Variants in CCSER1 observed in about 807,000 individuals in gnomAD.
The protein encoded by CCSER1 is serine-rich coiled-coil domain-containing protein 1.
In CCSER1, 41 loss-of-function variants were observed where a neutral mutation model predicts 82.0. That is an observed-to-expected ratio of 0.50 (90% confidence interval 0.39 to 0.65). The LOEUF (loss-of-function observed/expected upper bound fraction) is 0.65. CCSER1 is among the 30% of genes least tolerant of loss of function. CCSER1 has a pLI of 0.00. For synonymous variants in CCSER1, 414 were observed against 383.9 expected (o/e 1.08, Z -0.92); for missense variants, 1,119 against 1,064.2 (o/e 1.05, Z -0.72).
At chr4:91,527,491 C>T (rs956360248) in intron 10 of CCSER1, among the ~76,000 whole-genome samples, 1 of 151,366 alleles carries the variant, frequency 6.6e-6, no homozygotes, top group Non-Finnish European at 1.5e-5. Context: ...TTGTGATAGC[C>T]AAATAAGAAA....
At chr4:91,532,563 A>T (rs577596862) in intron 10 of CCSER1, among the ~76,000 whole-genome samples, 25 of 152,224 alleles carry the variant, frequency 1.6e-4, no homozygotes, top group Non-Finnish European at 3.1e-4. Flanking sequence ...TGTAATCAGT[A>T]GACATATTTA....
intron 7 of CCSER1, among the ~76,000 whole-genome samples, chr4:90,771,700 A>G (rs1436552695): frequency 6.6e-5 from 10 of 152,112 alleles, no homozygotes; most frequent in Middle Eastern, 3.4e-3. Flanking sequence ...TAAATTTTCA[A>G]TTTTGAAGCT....
At chr4:90,198,315 A>G (rs985459788) in intron 1 of CCSER1, among the ~76,000 whole-genome samples, 2 of 152,090 alleles carry the variant, frequency 1.3e-5, no homozygotes, top group Non-Finnish European at 2.9e-5. Context: ...GGCTATGCTG[A>G]TTAGTCATCT....
At chr4:91,113,482 G>C (rs1259953442) in intron 10 of CCSER1, among the ~76,000 whole-genome samples, 2 of 152,206 alleles carry the variant, frequency 1.3e-5, no homozygotes, top group African/African-American at 4.8e-5. Flanking sequence ...CATACAGCTA[G>C]TATGATGTAG....
At chr4:90,245,771 G>A (rs1721308717) in intron 1 of CCSER1, among the ~76,000 whole-genome samples, 1 of 152,034 alleles carries the variant, frequency 6.6e-6, no homozygotes, top group African/African-American at 2.4e-5. Flanking sequence ...TGAAACAAAG[G>A]GTGAAAAGGA....
intron 10 of CCSER1, among the ~76,000 whole-genome samples, chr4:91,228,128 T>C (rs17209849): frequency 0.13 from 19,245 of 152,030 alleles, 1,366 homozygotes; most frequent in Middle Eastern, 0.18. Context: ...AAATCCTAGA[T>C]TGAGTGAGGA....
chr4:91,534,118 A>G (rs1483447394), intron 10 of CCSER1, among the ~76,000 whole-genome samples: 1 of 152,080 alleles, frequency 6.6e-6, no homozygotes, highest in Non-Finnish European at 1.5e-5. Flanking sequence ...GGTAGCCACA[A>G]TCTATACTCC....
intron 10 of CCSER1, among the ~76,000 whole-genome samples, chr4:91,482,666 T>A (rs1258105755): frequency 6.6e-6 from 1 of 152,034 alleles, no homozygotes. Flanking sequence ...GTGGCACTAT[T>A]CACAATAGCA....
intron 10 of CCSER1, among the ~76,000 whole-genome samples, chr4:91,131,730 C>T (rs1297589314): frequency 6.6e-6 from 1 of 151,984 alleles, no homozygotes; most frequent in Non-Finnish European, 1.5e-5. Context: ...CAAACAGTAT[C>T]AACTGGTGAA....
At chr4:91,163,463 T>A in intron 10 of CCSER1, among the ~76,000 whole-genome samples, 1 of 152,124 alleles carries the variant, frequency 6.6e-6, no homozygotes, top group Non-Finnish European at 1.5e-5. Flanking sequence ...GGTGCAGAGC[T>A]GAGTTCAATT....
chr4:90,902,130 A>C (rs1275079232), intron 8 of CCSER1, among the ~76,000 whole-genome samples: 1 of 151,772 alleles, frequency 6.6e-6, no homozygotes, highest in Non-Finnish European at 1.5e-5. Context: ...CAATACTATA[A>C]GTTCTATTTT....
intron 5 of CCSER1, among the ~76,000 whole-genome samples, chr4:90,535,484 T>A (rs1032878197): frequency 1.3e-5 from 2 of 152,118 alleles, no homozygotes. Flanking sequence ...GTAGTAAAAC[T>A]CATTTGATTT....
intron 10 of CCSER1, among the ~76,000 whole-genome samples, chr4:91,316,228 G>A (rs539675951): frequency 6.6e-5 from 10 of 152,020 alleles, no homozygotes; most frequent in South Asian, 4.1e-4. Context: ...TATTAGCAGC[G>A]TGAGAATGAA....
At chr4:90,988,360 A>AAAG (rs1736749891) in intron 9 of CCSER1, among the ~76,000 whole-genome samples, 7 of 142,698 alleles carry the variant, frequency 4.9e-5, no homozygotes, top group Non-Finnish European at 9.1e-5. Flanking sequence ...AAAAAAAAAA[A>AAAG]AAAGAAAGAA....
intron 1 of CCSER1, among the ~76,000 whole-genome samples, chr4:90,215,534 A>C (rs1740848287): frequency 6.6e-6 from 1 of 152,116 alleles, no homozygotes; most frequent in Non-Finnish European, 1.5e-5. Context: ...GAAGTTCAGG[A>C]AAAACACCAT....
Position 90,753,726 on chromosome 4 carries a change from A to G in CCSER1, c.2010+29735A>G, listed in dbSNP as rs116638502. The stretch of plus-strand genomic sequence containing the variant: ...TTGGATTGTGTCATTCCCTTGCTTA[A>G]AACACTCCAGTGCCTTCATATCAAA... On this transcript the variant is annotated intron_variant, in intron 7 of 10. Coordinates refer to ENST00000509176, the MANE Select transcript of CCSER1 (RefSeq NM_001145065.2). Among the ~76,000 whole-genome samples, 570 of 152,228 alleles carry G rather than the reference A, an allele frequency of 3.7e-3. 6 individuals carry two copies. Among genetic ancestry groups the G allele is most frequent in the African/African-American group, 0.013 (547 of 41,544 alleles).
chr4:90,835,016 A>C (rs1761607234), intron 8 of CCSER1, among the ~76,000 whole-genome samples: 1 of 152,088 alleles, frequency 6.6e-6, no homozygotes. Flanking sequence ...GCATCTACCA[A>C]CATTTATTCT....
intron 10 of CCSER1, among the ~76,000 whole-genome samples, chr4:91,471,701 T>TG (rs1560698325): frequency 2.0e-5 from 3 of 151,612 alleles, no homozygotes; most frequent in Non-Finnish European, 4.4e-5. Context: ...TTATAATTTT[T>TG]TGTGTGTGTT....
At position 90,735,576 on chromosome 4, in the gene CCSER1, C is replaced by A. The variant is rs115981495; in HGVS notation, c.2010+11585C>A. Among the ~76,000 whole-genome samples the A allele has an allele frequency of 8.0e-3, 1,210 of 152,090 alleles. 17 individuals are homozygous for A. Among genetic ancestry groups the A allele is most frequent in the African/African-American group, 0.027 (1,138 of 41,506 alleles). On this transcript the variant is annotated intron_variant, in intron 7 of 10. Coordinates refer to ENST00000509176, the MANE Select transcript of CCSER1 (RefSeq NM_001145065.2). ...GATTTTATGTGTCTCAAAATTTATC[C>A]ATTTCTTCTACATTTTCTAATTTAT...
Sources: allele counts gnomAD v4.1 joint callset (sites outside exome capture counted in the v4.1 genomes callset), GRCh38; gene constraint gnomAD v4.1.1; transcripts MANE v1.5; gene names NCBI Gene and HGNC (gene_info 2026-07-23, HGNC 2026-07-21).